DCLK2: variants seen among roughly 807,000 people sequenced by gnomAD.
DCLK2 encodes doublecortin like kinase 2, also known as serine/threonine-protein kinase DCLK2.
DCLK2 carries 31 observed loss-of-function variants against 78.4 expected under a neutral mutation model. The ratio of observed to expected loss-of-function variants is 0.40; its 90% CI spans 0.30 to 0.53. The LOEUF is 0.53. DCLK2 is among the 20% of genes least tolerant of loss of function. DCLK2 has a pLI of 0.61. For synonymous variants in DCLK2, 407 were observed against 374.9 expected, an observed-to-expected ratio of 1.09 and a Z score of -0.99; for missense variants, 872 against 973.7, an observed-to-expected ratio of 0.90 and a Z score of 1.39.
At chr4:150,107,825 G>T (rs2150161261) in intron 2 of DCLK2, among the ~76,000 whole-genome samples, 2 of 152,260 alleles carry the variant, frequency 1.3e-5, no homozygotes, top group South Asian at 4.2e-4. Flanking sequence ...TGTAAGGTTA[G>T]CTGGGCATGG....
At chr4:150,124,441 A>G (rs1464912007) in intron 2 of DCLK2, among the ~76,000 whole-genome samples, 1 of 152,212 alleles carries the variant, frequency 6.6e-6, no homozygotes, top group African/African-American at 2.4e-5. Context: ...CCACATTCTA[A>G]GTCATTAAAA....
intron 5 of DCLK2, among the ~76,000 whole-genome samples, chr4:150,206,871 CCTT>C (rs1463753561): frequency 2.6e-5 from 4 of 152,180 alleles, no homozygotes; most frequent in African/African-American, 9.6e-5. Context: ...GGGATGAAAA[CCTT>C]CTTTTTAAAT....
At chr4:150,158,000 A>G (rs1038435050) in intron 2 of DCLK2, among the ~76,000 whole-genome samples, 8 of 152,218 alleles carry the variant, frequency 5.3e-5, no homozygotes, top group African/African-American at 1.9e-4. Context: ...AAATCATTGT[A>G]ATATCTACGA....
intron 1 of DCLK2, among the ~76,000 whole-genome samples, chr4:150,088,269 GTC>G (rs1729782706): frequency 6.6e-6 from 1 of 152,102 alleles, no homozygotes; most frequent in Non-Finnish European, 1.5e-5. Flanking sequence ...GTGTAAACTT[GTC>G]TCTTATTAGT....
chr4:150,193,279 G>A (rs768760445), intron 3 of DCLK2, 39 bp downstream of exon 3: 8 of 1,361,752 alleles, frequency 5.9e-6, no homozygotes, highest in African/African-American at 1.4e-5. Context: ...TTCCATCTTT[G>A]TAACCCCTGA....
intron 4 of DCLK2, among the ~76,000 whole-genome samples, chr4:150,199,419 C>A (rs1471877388): frequency 6.6e-6 from 1 of 152,168 alleles, no homozygotes; most frequent in Non-Finnish European, 1.5e-5. Flanking sequence ...GTGAAAATAG[C>A]CATAGAAGCA....
chr4:150,190,949 C>G (rs1333236301), intron 2 of DCLK2, among the ~76,000 whole-genome samples: 1 of 152,024 alleles, frequency 6.6e-6, no homozygotes, highest in Non-Finnish European at 1.5e-5. Context: ...ACCTACCTAC[C>G]TATCTACATA....
At chr4:150,117,538 AGTTAGGAGCTTCTCTCAACCTGTGAT>A (rs1295409964) in intron 2 of DCLK2, among the ~76,000 whole-genome samples, 1 of 152,116 alleles carries the variant, frequency 6.6e-6, no homozygotes, top group Non-Finnish European at 1.5e-5. Context: ...CGCAGATCTC[AGTTAGGAGCTTCTCTCAACCTGTGAT>A]TGCTGTCTGA....
chr4:150,161,877 GGGTGTT>G (rs1735727014), intron 2 of DCLK2, among the ~76,000 whole-genome samples: 2 of 152,114 alleles, frequency 1.3e-5, no homozygotes, highest in Admixed American at 1.3e-4. Flanking sequence ...CTTTATAGAG[GGGTGTT>G]GCTTCAAGGT....
chr4:150,190,933 T>TTACC (rs918298060), intron 2 of DCLK2, among the ~76,000 whole-genome samples: 3 of 151,994 alleles, frequency 2.0e-5, no homozygotes, highest in Non-Finnish European at 2.9e-5. Context: ...CTCTACCTAC[T>TTACC]TACCTACCTA....
chr4:150,241,198 C>T (rs886613100), intron 12 of DCLK2, among the ~76,000 whole-genome samples: 26 of 152,182 alleles, frequency 1.7e-4, no homozygotes, highest in African/African-American at 6.0e-4. Context: ...AATAGAATTA[C>T]AAACACTTGT....
chr4:150,149,150 G>A (rs1734706476), intron 2 of DCLK2, among the ~76,000 whole-genome samples: 1 of 151,800 alleles, frequency 6.6e-6, no homozygotes, highest in South Asian at 2.1e-4. Flanking sequence ...ACCAATCTGA[G>A]GACAGAATCC....
chr4:150,193,053 C>G (rs566247999), intron 2 of DCLK2, 85 bp from the exon 3 acceptor site: 82 of 817,940 alleles, frequency 1.0e-4, no homozygotes, highest in Non-Finnish European at 1.5e-4. Context: ...ACTTAAAATT[C>G]AGGCTTAAAA....
At chr4:150,089,274 A>C (rs929802105) in intron 1 of DCLK2, among the ~76,000 whole-genome samples, 7 of 152,176 alleles carry the variant, frequency 4.6e-5, no homozygotes, top group Non-Finnish European at 1.0e-4. Flanking sequence ...CTTAAAACTG[A>C]GGGCTAAGCT....
chr4:150,128,531 T>A (rs1733074922), intron 2 of DCLK2, among the ~76,000 whole-genome samples: 1 of 152,152 alleles, frequency 6.6e-6, no homozygotes, highest in Admixed American at 6.5e-5. Flanking sequence ...CTCTGGAGAT[T>A]ATGAAATGAG....
chr4:150,177,673 A>T (rs1737192839), intron 2 of DCLK2, among the ~76,000 whole-genome samples: 1 of 152,208 alleles, frequency 6.6e-6, no homozygotes, highest in South Asian at 2.1e-4. Flanking sequence ...CAAAAAGGAG[A>T]GTGTAAGAAA....
intron 2 of DCLK2, among the ~76,000 whole-genome samples, chr4:150,178,730 A>G (rs1737270690): frequency 6.6e-6 from 1 of 152,226 alleles, no homozygotes; most frequent in African/African-American, 2.4e-5. Context: ...ATAAGCAGAG[A>G]GAACTTTGTC....
At chr4:150,204,891 C>CAA (rs780635685) in intron 5 of DCLK2, among the ~76,000 whole-genome samples, 4 of 126,170 alleles carry the variant, frequency 3.2e-5, no homozygotes, top group East Asian at 4.5e-4. Flanking sequence ...GACTGTGCCT[C>CAA]AAAAAAAAAA....
chr4:150,142,653 T>C (rs1048953976), intron 2 of DCLK2, among the ~76,000 whole-genome samples: 2 of 152,146 alleles, frequency 1.3e-5, no homozygotes, highest in African/African-American at 4.8e-5. Context: ...GGAAATAATA[T>C]ATTAAATAAA....
Sources: gnomAD v4.1 joint callset for allele counts (sites outside exome capture counted in the v4.1 genomes callset) on GRCh38, gnomAD v4.1.1 for gene constraint, MANE v1.5 for transcripts, NCBI Gene and HGNC (gene_info 2026-07-23, HGNC 2026-07-21) for gene names.